Variants in TAF6L observed in about 807,000 individuals in gnomAD.
TAF6L encodes TAF6-like RNA polymerase II p300/CBP-associated factor-associated factor 65 kDa subunit 6L.
TAF6L carries 34 observed loss-of-function variants against 57.3 expected under a neutral mutation model. That is an observed-to-expected ratio of 0.59 (90% CI 0.45 to 0.79). The LOEUF (loss-of-function observed/expected upper bound fraction) is 0.79, where lower values mean the gene tolerates loss of function less well. TAF6L is among the 30% of genes least tolerant of loss of function. TAF6L has a pLI of 0.00. For missense variants in TAF6L, 782 were observed against 853.2 expected, an observed-to-expected ratio of 0.92 and a Z score of 1.04; for synonymous variants, 417 against 376.3, an observed-to-expected ratio of 1.11 and a Z score of -1.25.
At chr11:62,774,616 G>A (rs560709182) in intron 1 of TAF6L, 1 of 455,112 alleles carries the variant, frequency 2.2e-6, no homozygotes, top group Non-Finnish European at 4.4e-6. Context: ...GTGCGTTGTT[G>A]GAGTGAGTCA....
intron 9 of TAF6L, chr11:62,786,023 TG>T: frequency 4.5e-6 from 2 of 443,904 alleles, no homozygotes; most frequent in Non-Finnish European, 8.2e-6. Flanking sequence ...CACAGGGCAG[TG>T]ATATTGGGTA....
intron 5 of TAF6L, 79 bp downstream of exon 5, chr11:62,778,414 G>A (rs568542700): frequency 2.5e-5 from 39 of 1,530,388 alleles, no homozygotes; most frequent in Non-Finnish European, 2.8e-5. Context: ...ATGTGCCCCC[G>A]AGTCTGCGTC....
intron 2 of TAF6L, 116 bp downstream of exon 2, chr11:62,776,046 G>A: frequency 7.7e-7 from 1 of 1,302,428 alleles, no homozygotes; most frequent in Non-Finnish European, 1.0e-6. Flanking sequence ...ATACAACAGA[G>A]ACAGTCCATG....
intron 6 of TAF6L, 88 bp from the exon 7 acceptor site, chr11:62,781,806 A>ACT: frequency 9.2e-7 from 1 of 1,084,338 alleles, no homozygotes; most frequent in Non-Finnish European, 1.4e-6. Context: ...AACATGAATA[A>ACT]GGTGATACAC....
In TAF6L at chr11:62,778,905, T is replaced by C; in HGVS notation, c.473T>C (p.Leu158Pro). The C allele has an allele frequency of 1.9e-6, 3 of 1,614,136 alleles. No individual in the cohort carries two copies. Among genetic ancestry groups the C allele is most frequent in the Non-Finnish European group, 2.5e-6 (3 of 1,180,020 alleles). The change falls in exon 6 of 11, where the codon CTC (leucine) becomes CCC (proline). Residue 158 changes from leucine (L) to proline (P), a missense_variant. Leu to Pro is a moderately conservative substitution (Grantham distance 98). Around this residue, in one of 3 missense-constraint regions of TAF6L, gnomAD observed 220 missense variants for 252.1 expected, o/e 0.87. Coordinates refer to ENST00000294168, the MANE Select transcript of TAF6L (RefSeq NM_006473.4). Reference sequence around the variant, plus strand: ...GTGTCTTCACTGACAGATGACCTTCTCAAGTACTATCACCAGGTGACTCGT... The same window carrying C: ...GTGTCTTCACTGACAGATGACCTTCCCAAGTACTATCACCAGGTGACTCGT... The part of the protein sequence containing the change: ...SAVSSLTDDL[L>P]KYYHQVTRAV...
At chr11:62,774,511 G>A (rs1160131405) in intron 1 of TAF6L, 2 of 449,898 alleles carry the variant, frequency 4.4e-6, no homozygotes, top group Non-Finnish European at 8.9e-6. Context: ...AGGAGTAGTG[G>A]GGGCAATGCC....
Position 62,786,920 on chromosome 11 carries a change from G to A in TAF6L, c.1493G>A (p.Gly498Asp), listed in dbSNP as rs907890241. 1 of 1,493,128 alleles carries A rather than the reference G, an allele frequency of 6.7e-7. No individual in the cohort carries two copies. The highest frequency in any genetic ancestry group is 8.8e-7 in the Non-Finnish European group (1 of 1,130,500). The allele number at this position is 1,493,128 out of a possible 1,614,324, so 92.5% of individuals were successfully genotyped here. A position where few individuals can be genotyped will look rare whatever the true frequency, so the allele number is the denominator to read the frequency against. Residue 498 changes from glycine to aspartate, a missense_variant, in exon 11 of 11, where the codon GGC (glycine) becomes GAC (aspartate). Physicochemically the swap from Gly to Asp is moderately conservative, Grantham distance 94. Coordinates refer to ENST00000294168, the MANE Select transcript of TAF6L (RefSeq NM_006473.4). ...GCAAGCGCCATAGTCAGCCCGCACG[G>A]CGACGAGAGCCCCCGGGGCAGCGGC... ...LTASAIVSPH[G>D]DESPRGSGGG...
At chr11:62,781,868 A>C (rs1176166434) in intron 6 of TAF6L, 26 bp from the exon 7 acceptor site, 1 of 1,609,310 alleles carries the variant, frequency 6.2e-7, no homozygotes, top group African/African-American at 1.3e-5. Flanking sequence ...TGGTGGATCC[A>C]ATGCAGTCTG....
In TAF6L at chr11:62,787,224, C is replaced by G. The variant is rs779826240; in HGVS notation, c.1797C>G (p.Pro599=). Reference sequence around the variant, plus strand: ...CCTCGCGCTACGTGCAGAAACTGCCCATGATCGGCCGTACCAGCCGCCCCG... The same window carrying G: ...CCTCGCGCTACGTGCAGAAACTGCCGATGATCGGCCGTACCAGCCGCCCCG... ...SPASRYVQKL[P]MIGRTSRPAR... is the part of the protein sequence containing the mutation. The change falls in exon 11 of 11, where the codon CCC becomes CCG. Residue 599 remains proline, a synonymous_variant. Coordinates refer to ENST00000294168, the MANE Select transcript of TAF6L (RefSeq NM_006473.4). 7.6e-6 allele frequency: 12 copies of G among 1,581,622 alleles called. No homozygotes were observed. Among genetic ancestry groups the G allele is most frequent in the Admixed American group, 3.4e-5 (2 of 58,290 alleles).
At chr11:62,774,889 C>T (rs1359749571) in intron 1 of TAF6L, among the ~76,000 whole-genome samples, 1 of 128,522 alleles carries the variant, frequency 7.8e-6, no homozygotes, top group African/African-American at 3.0e-5. Context: ...AAAACTCCGT[C>T]TCAAAAAAAA....
rs1243641808 is a variant in TAF6L at position 62,782,709 on chromosome 11, G to T, written c.844G>T (p.Val282Leu). 2.5e-6 allele frequency: 4 copies of T among 1,612,168 alleles called. No individual in the cohort carries two copies. In the African/African-American group the frequency reaches 5.3e-5, roughly 22 times the overall value. The change falls in exon 9 of 11, where the codon GTA (valine) becomes TTA (leucine). Residue 282 changes from valine (V) to leucine (L), a missense_variant. Coordinates refer to ENST00000294168, the MANE Select transcript of TAF6L (RefSeq NM_006473.4). ...CTCCCACAGGACTCATGGGGACCTT[G>T]TAAGTGGCCTCTATCAGCATATCCT... ...SHIFWTHGDL[V>L]SGLYQHILLS...
At position 62,782,742 on chromosome 11, in the gene TAF6L, C is replaced by G. The variant is rs1043032832; in HGVS notation, c.877C>G (p.Leu293Val). Residue 293 changes from leucine (L) to valine (V), a missense_variant, in exon 9 of 11, where the codon CTG becomes GTG. Leu to Val is a conservative substitution (Grantham distance 32). Coordinates refer to ENST00000294168, the MANE Select transcript of TAF6L (RefSeq NM_006473.4). The stretch of plus-strand genomic sequence containing the variant: ...CCTCTATCAGCATATCCTGCTATCC[C>G]TGCAGAAGATCCTGGCAGATCCTGT... Reference protein sequence around the residue: ...SGLYQHILLSLQKILADPVRP... With the variant: ...SGLYQHILLSVQKILADPVRP... 2 of 1,612,694 alleles carry G rather than the reference C, an allele frequency of 1.2e-6. No individual in the cohort carries two copies. Among genetic ancestry groups the G allele is most frequent in the Non-Finnish European group, 1.7e-6 (2 of 1,180,040 alleles).
intron 6 of TAF6L, among the ~76,000 whole-genome samples, chr11:62,779,714 G>A (rs911858755): frequency 2.0e-5 from 3 of 151,320 alleles, no homozygotes; most frequent in East Asian, 2.0e-4. Flanking sequence ...CACCTAGGCC[G>A]GAGTGCAGTG....
At chr11:62,782,545 C>T in intron 8 of TAF6L, 148 bp from the exon 9 acceptor site, 5 of 1,238,814 alleles carry the variant, frequency 4.0e-6, no homozygotes, top group Non-Finnish European at 4.5e-6. Flanking sequence ...CCCTCAGGTC[C>T]TAGGCCAGTC....
At chr11:62,783,535 C>CTTT (rs1342686734) in intron 9 of TAF6L, among the ~76,000 whole-genome samples, 1 of 133,912 alleles carries the variant, frequency 7.5e-6, no homozygotes, top group Non-Finnish European at 1.6e-5. Context: ...GAGGGAGGAT[C>CTTT]TTTTTTTTTT....
intron 9 of TAF6L, among the ~76,000 whole-genome samples, 165 bp downstream of exon 9, chr11:62,782,990 T>C (rs1208062777): frequency 1.3e-5 from 2 of 152,250 alleles, no homozygotes; most frequent in African/African-American, 4.8e-5. Flanking sequence ...TGAATGTAAA[T>C]GTCTTATCCT....
At chr11:62,778,794 A>G in intron 5 of TAF6L, 75 bp from the exon 6 acceptor site, 4 of 1,245,586 alleles carry the variant, frequency 3.2e-6, no homozygotes, top group Non-Finnish European at 4.7e-6. Context: ...ATGGTGGTTG[A>G]GGGGGAGGAG....
At chr11:62,778,158 GA>G in intron 4 of TAF6L, 30 bp downstream of exon 4, 2 of 1,614,128 alleles carry the variant, frequency 1.2e-6, no homozygotes, top group Non-Finnish European at 1.7e-6. Context: ...ATGGGTTGGG[GA>G]TGGGAGTTGG....
At chr11:62,779,970 ATATATATT>A (rs2084215585) in intron 6 of TAF6L, among the ~76,000 whole-genome samples, 1 of 64,414 alleles carries the variant, frequency 1.6e-5, no homozygotes, top group Non-Finnish European at 3.7e-5. Flanking sequence ...ATATATATAT[ATATATATT>A]TTTTTTTTTT....
Sources: allele counts gnomAD v4.1 joint callset (sites outside exome capture counted in the v4.1 genomes callset), GRCh38; gene constraint gnomAD v4.1.1; regional missense constraint gnomAD v4.1.1; transcripts MANE v1.5; gene names NCBI Gene and HGNC (gene_info 2026-07-23, HGNC 2026-07-21).